Variants in PPARGC1A observed in about 807,000 individuals in gnomAD.
PPARGC1A encodes the protein peroxisome proliferator-activated receptor gamma coactivator 1-alpha.
In PPARGC1A, 25 loss-of-function variants were observed where a neutral mutation model predicts 88.7. The observed-to-expected ratio is 0.28, with a 90% CI of 0.21 to 0.39. The LOEUF (loss-of-function observed/expected upper bound fraction) is 0.39, where lower values mean the gene tolerates loss of function less well. Among genes scored for constraint, PPARGC1A ranks in the 10% least tolerant of loss-of-function variants. PPARGC1A has a pLI of 1.00. For synonymous variants in PPARGC1A, 363 were observed against 355.6 expected (o/e 1.02, Z -0.24); for missense variants, 880 against 968.7 (o/e 0.91, Z 1.22).
chr4:24,222,470 A>G, the PPARGC1A span, among the ~76,000 whole-genome samples: 2 of 152,244 alleles, frequency 1.3e-5, no homozygotes, highest in African/African-American at 4.8e-5. Flanking sequence ...ACGTATACAA[A>G]GTGATTGCGA....
chr4:24,141,632 G>A, the PPARGC1A span, among the ~76,000 whole-genome samples: 1 of 152,168 alleles, frequency 6.6e-6, no homozygotes, highest in Non-Finnish European at 1.5e-5. Context: ...CTCACTACAA[G>A]CTGTCATCTC....
chr4:24,193,349 A>T, the PPARGC1A span, among the ~76,000 whole-genome samples: 1 of 152,284 alleles, frequency 6.6e-6, no homozygotes, highest in Admixed American at 6.5e-5. Context: ...TTTGAAATTC[A>T]ATTTGCATCA....
chr4:24,320,959 C>G, the PPARGC1A span, among the ~76,000 whole-genome samples: 3 of 152,132 alleles, frequency 2.0e-5, no homozygotes, highest in African/African-American at 7.2e-5. Flanking sequence ...AAAAATTAGC[C>G]TTACAAGTCC....
At chr4:23,839,979 G>C (rs1055272647) in intron 2 of PPARGC1A, among the ~76,000 whole-genome samples, 4 of 151,932 alleles carry the variant, frequency 2.6e-5, no homozygotes, top group African/African-American at 9.7e-5. Flanking sequence ...GATTTGGGTG[G>C]GGACACAGAG....
chr4:24,401,349 G>A, the PPARGC1A span, among the ~76,000 whole-genome samples: 10 of 152,104 alleles, frequency 6.6e-5, no homozygotes, highest in African/African-American at 2.4e-4. Flanking sequence ...TATTAGCATT[G>A]TCATGAGGGT....
chr4:24,317,650 G>A, the PPARGC1A span, among the ~76,000 whole-genome samples: 1 of 145,612 alleles, frequency 6.9e-6, no homozygotes, highest in African/African-American at 2.5e-5. Flanking sequence ...TGGTCACCTG[G>A]CATCTTGTAG....
At chr4:24,117,553 C>T in the PPARGC1A span, among the ~76,000 whole-genome samples, 2 of 151,068 alleles carry the variant, frequency 1.3e-5, no homozygotes, top group African/African-American at 2.4e-5. Flanking sequence ...CTCTTGCCCA[C>T]ATACATCTAG....
chr4:24,036,773 CATGTTGGAG>C, the PPARGC1A span, among the ~76,000 whole-genome samples: 15 of 152,238 alleles, frequency 9.9e-5, no homozygotes, highest in Non-Finnish European at 1.9e-4. Context: ...AAACTTCTGG[CATGTTGGAG>C]ATATTATGTA....
the PPARGC1A span, among the ~76,000 whole-genome samples, chr4:24,115,635 C>A: frequency 1.3e-5 from 2 of 152,244 alleles, no homozygotes; most frequent in African/African-American, 2.4e-5. Context: ...GCTCTCTAAC[C>A]AGCTCCCAGT....
the PPARGC1A span, among the ~76,000 whole-genome samples, chr4:24,376,299 A>G: frequency 6.6e-6 from 1 of 152,174 alleles, no homozygotes; most frequent in Non-Finnish European, 1.5e-5. Context: ...AGTCCTATGG[A>G]GCAAATGATA....
the PPARGC1A span, among the ~76,000 whole-genome samples, chr4:24,178,566 T>A: frequency 6.6e-6 from 1 of 152,196 alleles, no homozygotes; most frequent in Admixed American, 6.6e-5. Flanking sequence ...AGCAGTTAAC[T>A]GTAGAGAAAA....
chr4:24,069,847 A>G, the PPARGC1A span, among the ~76,000 whole-genome samples: 1 of 152,240 alleles, frequency 6.6e-6, no homozygotes. Context: ...AAACTTTAAA[A>G]ATAATTGACC....
the PPARGC1A span, among the ~76,000 whole-genome samples, chr4:24,201,211 A>G: frequency 6.6e-6 from 1 of 152,212 alleles, no homozygotes; most frequent in Non-Finnish European, 1.5e-5. Flanking sequence ...ATAAAATTGG[A>G]GCCATAAATA....
chr4:24,063,649 C>A, the PPARGC1A span, among the ~76,000 whole-genome samples: 1 of 152,142 alleles, frequency 6.6e-6, no homozygotes. Flanking sequence ...GACGTTGCAG[C>A]TTCCATAAAG....
chr4:24,447,601 T>C, the PPARGC1A span, among the ~76,000 whole-genome samples: 2 of 152,204 alleles, frequency 1.3e-5, no homozygotes, highest in African/African-American at 4.8e-5. Flanking sequence ...CCATGATGTG[T>C]CTGAATCCTC....
At chr4:23,851,340 A>G (rs970238115) in intron 2 of PPARGC1A, among the ~76,000 whole-genome samples, 1 of 152,216 alleles carries the variant, frequency 6.6e-6, no homozygotes, top group Non-Finnish European at 1.5e-5. Flanking sequence ...CTGTATTATC[A>G]GAACCAATGA....
At chr4:23,968,484 C>A in the PPARGC1A span, among the ~76,000 whole-genome samples, 2 of 152,174 alleles carry the variant, frequency 1.3e-5, no homozygotes, top group South Asian at 4.1e-4. Context: ...CCACACCTAA[C>A]GTAACTTTAG....
At chr4:23,931,075 AG>A in the PPARGC1A span, among the ~76,000 whole-genome samples, 36,126 of 152,110 alleles carry the variant, frequency 0.24, 4,730 homozygotes, top group East Asian at 0.41. Context: ...GCTGGGGATC[AG>A]TGACAGGGAG....
the PPARGC1A span, among the ~76,000 whole-genome samples, chr4:24,014,705 A>G: frequency 1.3e-5 from 2 of 152,074 alleles, no homozygotes; most frequent in African/African-American, 4.8e-5. Context: ...TTGCTTTGTC[A>G]TGGCCATGAG....
Sources: gnomAD v4.1 joint callset for allele counts (sites outside exome capture counted in the v4.1 genomes callset) on GRCh38, gnomAD v4.1.1 for gene constraint, MANE v1.5 for transcripts, NCBI Gene and HGNC (gene_info 2026-07-23, HGNC 2026-07-21) for gene names.